The following RIMS2 variants were observed in gnomAD, a reference collection of about 807,000 sequenced individuals.
The protein encoded by RIMS2 is regulating synaptic membrane exocytosis protein 2.
Under a neutral mutation model 174.4 loss-of-function variants are expected in RIMS2, and 59 were observed. The observed-to-expected ratio is 0.34, with a 90% CI of 0.27 to 0.42. The LOEUF (loss-of-function observed/expected upper bound fraction) is 0.42, where lower values mean the gene tolerates loss of function less well. RIMS2 is among the 10% of genes least tolerant of loss of function. The pLI is 1.00. For missense variants in RIMS2, 1,620 were observed against 1,666.3 expected (o/e 0.97, Z 0.48); for synonymous variants, 606 against 572.5 (o/e 1.06, Z -0.84).
chr8:103,893,552 G>T (rs953035963), intron 4 of RIMS2, among the ~76,000 whole-genome samples: 4 of 152,032 alleles, frequency 2.6e-5, no homozygotes, highest in Non-Finnish European at 5.9e-5. Flanking sequence ...ACTATGGTTT[G>T]TGGGCACAAT....
At chr8:103,544,504 C>T (rs960180128) in intron 1 of RIMS2, among the ~76,000 whole-genome samples, 10 of 152,296 alleles carry the variant, frequency 6.6e-5, no homozygotes, top group East Asian at 1.9e-4. Flanking sequence ...CCTCCTATTG[C>T]GCTAGAGACA....
At chr8:103,766,199 T>C (rs1206447100) in intron 2 of RIMS2, 28 bp from the exon 6 acceptor site, 3 of 1,512,230 alleles carry the variant, frequency 2.0e-6, no homozygotes, top group Non-Finnish European at 2.7e-6. Flanking sequence ...GGAACACTAA[T>C]TTTTTCCCCC....
At chr8:103,983,134 T>C (rs189290921) in intron 16 of RIMS2, among the ~76,000 whole-genome samples, 6 of 152,244 alleles carry the variant, frequency 3.9e-5, no homozygotes, top group African/African-American at 1.4e-4. Flanking sequence ...AAGAAAGTAA[T>C]TCCACTTATA....
intron 19 of RIMS2, among the ~76,000 whole-genome samples, chr8:104,133,221 C>T (rs2098487316): frequency 1.3e-5 from 2 of 152,120 alleles, no homozygotes; most frequent in South Asian, 4.1e-4. Flanking sequence ...AAGAGCTTGA[C>T]ATTTTTGAGA....
At chr8:103,574,475 T>A (rs2093064378) in intron 1 of RIMS2, among the ~76,000 whole-genome samples, 2 of 152,208 alleles carry the variant, frequency 1.3e-5, no homozygotes, top group South Asian at 4.1e-4. Flanking sequence ...TGACTTGCTC[T>A]TATTTTTAGA....
At chr8:104,251,836 T>G (rs775387974) in exon 24 of RIMS2, 1 of 1,487,494 alleles carries the variant, frequency 6.7e-7, no homozygotes, top group Non-Finnish European at 9.3e-7. Context: ...GTAAAAAAAT[T>G]GTTGTCACAG....
intron 19 of RIMS2, among the ~76,000 whole-genome samples, chr8:104,101,132 C>T (rs13438964): frequency 0.25 from 33,529 of 135,570 alleles, 4,197 homozygotes; most frequent in African/African-American, 0.35. Context: ...ATATATTTTA[C>T]ATATATATAT....
chr8:103,733,683 A>G (rs988133340), intron 2 of RIMS2, among the ~76,000 whole-genome samples: 1 of 152,038 alleles, frequency 6.6e-6, no homozygotes, highest in Non-Finnish European at 1.5e-5. Flanking sequence ...GTTGCTTTCC[A>G]CTTCATCAGG....
chr8:104,204,643 A>C lies in RIMS2; in HGVS notation c.3335-40273A>C, dbSNP rs1309855507. ...TAGAGCACCTGATTTAAAAACAAAA[A>C]CAAAAAAAAATTACTTGACATTTTT... On this transcript the variant is annotated intron_variant, in intron 19 of 23. Coordinates refer to ENST00000504942, the Ensembl canonical transcript of RIMS2. 2.0e-5 allele frequency among the ~76,000 whole-genome samples: 3 copies of C among 152,092 alleles called. No homozygotes were observed. In the East Asian group the frequency reaches 5.8e-4, roughly 29 times the overall value.
At chr8:103,578,457 G>A (rs765197146) in intron 1 of RIMS2, among the ~76,000 whole-genome samples, 21 of 151,968 alleles carry the variant, frequency 1.4e-4, no homozygotes, top group Admixed American at 2.6e-4. Context: ...TTTGAGCCTG[G>A]GAGTTGAAGG....
chr8:104,052,455 G>C (rs1027159189), intron 19 of RIMS2, among the ~76,000 whole-genome samples: 1 of 152,126 alleles, frequency 6.6e-6, no homozygotes, highest in African/African-American at 2.4e-5. Flanking sequence ...AGAACTCAAA[G>C]TGAAAGGACA....
chr8:103,724,000 G>A (rs1403085446), intron 2 of RIMS2, among the ~76,000 whole-genome samples: 1 of 152,146 alleles, frequency 6.6e-6, no homozygotes, highest in Non-Finnish European at 1.5e-5. Context: ...CACTGGGGAA[G>A]GCCTGATACT....
intron 19 of RIMS2, among the ~76,000 whole-genome samples, chr8:104,024,002 G>A (rs1393988866): frequency 6.6e-6 from 1 of 152,176 alleles, no homozygotes; most frequent in Non-Finnish European, 1.5e-5. Flanking sequence ...TTTATTAAGA[G>A]CAGTTTCAGT....
In RIMS2 at chr8:103,504,173, T is replaced by G. The variant is rs117585410; in HGVS notation, c.176+3111T>G. Among the ~76,000 whole-genome samples the G allele has an allele frequency of 8.0e-3, 1,211 of 152,188 alleles. 40 individuals carry two copies. The highest frequency in any genetic ancestry group is 0.058 in the Admixed American group (891 of 15,296). ...ATAATGTCCTTTTACTGACTAATGT[T>G]TTTTTTTCAATCTTCCAAGACATCT... On this transcript the variant is annotated intron_variant, in intron 1 of 23. Transcript: ENST00000504942.
intron 1 of RIMS2, among the ~76,000 whole-genome samples, chr8:103,522,278 G>C (rs1231915732): frequency 6.6e-6 from 1 of 152,084 alleles, no homozygotes; most frequent in Non-Finnish European, 1.5e-5. Flanking sequence ...AAGGTGAAGA[G>C]CCATTAGGTT....
chr8:103,504,846 C>CTTTTTTTTTTTTTTT (rs11367763), intron 1 of RIMS2, among the ~76,000 whole-genome samples: 1 of 95,094 alleles, frequency 1.1e-5, no homozygotes, highest in Non-Finnish European at 2.0e-5. Flanking sequence ...TTCTTTCTTT[C>CTTTTTTTTTTTTTTT]TTTTTTTTTT....
chr8:103,740,443 A>AT (rs2097749666), intron 2 of RIMS2, among the ~76,000 whole-genome samples: 1 of 152,158 alleles, frequency 6.6e-6, no homozygotes, highest in Non-Finnish European at 1.5e-5. Context: ...ATGGCAATTT[A>AT]TGACTTGCTC....
intron 3 of RIMS2, among the ~76,000 whole-genome samples, chr8:103,843,334 A>T (rs1270981170): frequency 1.3e-5 from 2 of 151,810 alleles, no homozygotes; most frequent in South Asian, 4.2e-4. Flanking sequence ...TGGATTTTGA[A>T]CTCCTGAGTT....
chr8:103,919,327 G>A (rs1212459994), intron 9 of RIMS2, among the ~76,000 whole-genome samples: 1 of 152,258 alleles, frequency 6.6e-6, no homozygotes, highest in African/African-American at 2.4e-5. Context: ...GAAATTCAAC[G>A]AGGCCAGTGT....
Sources: gnomAD v4.1 joint callset for allele counts (sites outside exome capture counted in the v4.1 genomes callset) on GRCh38, gnomAD v4.1.1 for gene constraint, MANE v1.5 for transcripts, NCBI Gene and HGNC (gene_info 2026-07-23, HGNC 2026-07-21) for gene names.